TAFA4: variants seen among roughly 807,000 people sequenced by gnomAD.
TAFA4 encodes the protein TAFA chemokine like family member 4, also known as chemokine-like protein TAFA-4.
Under a neutral mutation model 21.1 loss-of-function variants are expected in TAFA4, and 20 were observed. That is an observed-to-expected ratio of 0.95 (90% CI 0.67 to 1.38). TAFA4 has a LOEUF of 1.38. TAFA4 is among the 40% of genes most tolerant of loss of function. TAFA4 has a pLI of 0.00. For missense variants in TAFA4, 211 were observed against 180.9 expected, an observed-to-expected ratio of 1.17 and a Z score of -0.95; for synonymous variants, 71 against 67.4, an observed-to-expected ratio of 1.05 and a Z score of -0.26.
At chr3:68,813,216 G>GA (rs1370236653) in intron 3 of TAFA4, among the ~76,000 whole-genome samples, 1 of 151,914 alleles carries the variant, frequency 6.6e-6, no homozygotes, top group Non-Finnish European at 1.5e-5. Flanking sequence ...GCCCAAAAGA[G>GA]AAGCAGGAAA....
chr3:68,897,269 T>G (rs1230248583), intron 1 of TAFA4, among the ~76,000 whole-genome samples: 1 of 152,218 alleles, frequency 6.6e-6, no homozygotes, highest in Non-Finnish European at 1.5e-5. Flanking sequence ...TAGTTCATCT[T>G]CAGTAAGTGA....
At chr3:68,743,583 AAAAAAAG>A (rs1452355910) in intron 4 of TAFA4, among the ~76,000 whole-genome samples, 1 of 146,296 alleles carries the variant, frequency 6.8e-6, no homozygotes, top group Non-Finnish European at 1.5e-5. Context: ...CTCAAAAAAA[AAAAAAAG>A]AAAAAGTTAA....
intron 3 of TAFA4, among the ~76,000 whole-genome samples, chr3:68,759,572 G>A (rs950110465): frequency 1.2e-4 from 19 of 152,092 alleles, no homozygotes; most frequent in South Asian, 2.1e-4. Flanking sequence ...TTAAAACAAA[G>A]ATGAATTTTT....
At chr3:68,925,162 A>G (rs2090095595) in intron 1 of TAFA4, among the ~76,000 whole-genome samples, 1 of 152,134 alleles carries the variant, frequency 6.6e-6, no homozygotes, top group African/African-American at 2.4e-5. Flanking sequence ...GCCCATGGTA[A>G]CCAATTTTAT....
intron 3 of TAFA4, among the ~76,000 whole-genome samples, chr3:68,854,662 T>C (rs1705026497): frequency 6.7e-6 from 1 of 149,888 alleles, no homozygotes; most frequent in South Asian, 2.1e-4. Context: ...TTGTTTTTGT[T>C]ATTTTTTTTT....
At chr3:68,784,292 G>A (rs1015135176) in intron 3 of TAFA4, among the ~76,000 whole-genome samples, 2 of 152,214 alleles carry the variant, frequency 1.3e-5, no homozygotes, top group African/African-American at 4.8e-5. Context: ...CGGAATTGGT[G>A]GGTTCTTGGT....
chr3:68,863,818 G>A (rs980354512), intron 3 of TAFA4, among the ~76,000 whole-genome samples: 2 of 152,060 alleles, frequency 1.3e-5, no homozygotes, highest in Admixed American at 1.3e-4. Flanking sequence ...TTATTAAAAT[G>A]CCTAAGGCAT....
chr3:68,756,443 C>T (rs970548897), intron 3 of TAFA4, among the ~76,000 whole-genome samples: 5 of 152,218 alleles, frequency 3.3e-5, no homozygotes, highest in African/African-American at 2.4e-5. Flanking sequence ...CTGGTTAATG[C>T]TTTGCTTGGT....
chr3:68,808,117 G>A (rs936058508), intron 3 of TAFA4, among the ~76,000 whole-genome samples: 8 of 152,118 alleles, frequency 5.3e-5, no homozygotes, highest in Non-Finnish European at 1.2e-4. Flanking sequence ...TGATGAAGTT[G>A]AAAATCACTA....
At chr3:68,786,987 T>C (rs1703273884) in intron 3 of TAFA4, among the ~76,000 whole-genome samples, 1 of 152,158 alleles carries the variant, frequency 6.6e-6, no homozygotes, top group African/African-American at 2.4e-5. Context: ...GGAAAAAATA[T>C]ACAAAGCTCA....
intron 1 of TAFA4, among the ~76,000 whole-genome samples, chr3:68,925,224 T>G (rs530254351): frequency 6.6e-6 from 1 of 151,994 alleles, no homozygotes; most frequent in Non-Finnish European, 1.5e-5. Context: ...TGTGTGTGAG[T>G]GTGTGTTGAG....
chr3:68,881,215 A>G (rs1464723696), intron 2 of TAFA4, among the ~76,000 whole-genome samples: 1 of 152,172 alleles, frequency 6.6e-6, no homozygotes, highest in Admixed American at 6.5e-5. Flanking sequence ...TGTTTTCTGG[A>G]TCTGAAAGAA....
At chr3:68,813,783 AG>A (rs1258978497) in intron 3 of TAFA4, among the ~76,000 whole-genome samples, 1 of 152,154 alleles carries the variant, frequency 6.6e-6, no homozygotes, top group Non-Finnish European at 1.5e-5. Context: ...TCCAATCAAT[AG>A]AAAAAGAGGG....
At chr3:68,898,882 C>T (rs1020079991) in intron 1 of TAFA4, among the ~76,000 whole-genome samples, 1 of 152,008 alleles carries the variant, frequency 6.6e-6, no homozygotes, top group Non-Finnish European at 1.5e-5. Flanking sequence ...GATTCCACTA[C>T]CTGGGAAGAA....
intron 1 of TAFA4, among the ~76,000 whole-genome samples, chr3:68,904,328 C>T (rs1333470886): frequency 1.3e-5 from 2 of 152,052 alleles, no homozygotes; most frequent in South Asian, 2.1e-4. Flanking sequence ...AGAAGGAAAC[C>T]GGGAGAGCCA....
intron 3 of TAFA4, among the ~76,000 whole-genome samples, chr3:68,772,473 T>C (rs1191149153): frequency 6.6e-6 from 1 of 152,088 alleles, no homozygotes; most frequent in Non-Finnish European, 1.5e-5. Flanking sequence ...AGGTGAATTC[T>C]CTCCCTCACT....
chr3:68,750,448 G>A lies in TAFA4; in HGVS notation c.286+2415C>T, dbSNP rs111664865. On this transcript the variant is annotated intron_variant, in intron 4 of 5. Transcript: ENST00000295569. ...TACTGATAGGAATAAAGCAGGATGC[G>A]TGAAATATCCAATGTGATAGCATTT... Among the ~76,000 whole-genome samples, 125 of 152,304 alleles carry A rather than the reference G, an allele frequency of 8.2e-4. 1 individual carries two copies. Among genetic ancestry groups the A allele is most frequent in the African/African-American group, 2.8e-3 (116 of 41,566 alleles).
At chr3:68,866,952 TA>T (rs201784141) in intron 3 of TAFA4, among the ~76,000 whole-genome samples, 1,859 of 151,992 alleles carry the variant, frequency 0.012, 29 homozygotes, top group African/African-American at 0.042. Flanking sequence ...AGAACAAATC[TA>T]AGAATCACTG....
intron 3 of TAFA4, among the ~76,000 whole-genome samples, chr3:68,822,993 A>C (rs1000292677): frequency 1.3e-5 from 2 of 152,198 alleles, no homozygotes; most frequent in Admixed American, 1.3e-4. Context: ...GAATAGGAGC[A>C]GTCATTTCCT....
Sources: gnomAD v4.1 joint callset for allele counts (sites outside exome capture counted in the v4.1 genomes callset) on GRCh38, gnomAD v4.1.1 for gene constraint, MANE v1.5 for transcripts, NCBI Gene and HGNC (gene_info 2026-07-23, HGNC 2026-07-21) for gene names.